MAP4: variants seen among roughly 807,000 people sequenced by gnomAD.
MAP4 encodes the protein microtubule associated protein 4.
In MAP4, 76 loss-of-function variants were observed where a neutral mutation model predicts 170.2. The observed-to-expected ratio is 0.45, with a 90% CI of 0.37 to 0.54. The LOEUF is 0.54. MAP4 is among the 20% of genes least tolerant of loss of function. The pLI is 0.00. For synonymous variants in MAP4, 909 were observed against 994.5 expected, an observed-to-expected ratio of 0.91 and a Z score of 1.62; for missense variants, 2,506 against 2,748.0, an observed-to-expected ratio of 0.91 and a Z score of 1.97.
At chr3:47,932,004 C>A (rs1314587143) in intron 3 of MAP4, 2 of 152,252 alleles carry the variant, frequency 1.3e-5, no homozygotes, top group Middle Eastern at 6.8e-3. Flanking sequence ...TTAGCATATA[C>A]ACAGTTATAC....
chr3:48,029,564 A>G (rs540413646), intron 1 of MAP4, among the ~76,000 whole-genome samples: 2 of 152,214 alleles, frequency 1.3e-5, no homozygotes, highest in African/African-American at 4.8e-5. Context: ...GCTTTATGGA[A>G]AAGGCAAGAA....
chr3:47,922,705 T>C (rs1307671937), intron 4 of MAP4, among the ~76,000 whole-genome samples: 6 of 152,240 alleles, frequency 3.9e-5, no homozygotes, highest in Admixed American at 3.9e-4. Flanking sequence ...GGAGCTGGCA[T>C]GAATAAAAGC....
chr3:47,989,820 C>T (rs1457087338), intron 2 of MAP4, among the ~76,000 whole-genome samples: 1 of 152,184 alleles, frequency 6.6e-6, no homozygotes, highest in East Asian at 1.9e-4. Context: ...TGTTTTCTCA[C>T]TGACTGACTT....
chr3:48,016,259 T>C (rs1247745376), intron 1 of MAP4, 75 bp downstream of exon 1: 1 of 148,752 alleles, frequency 6.7e-6, no homozygotes, highest in Non-Finnish European at 1.5e-5. Flanking sequence ...AAAAATACTG[T>C]ATACACTTGC....
At chr3:47,993,573 G>A (rs114029305) in intron 2 of MAP4, among the ~76,000 whole-genome samples, 8 of 152,310 alleles carry the variant, frequency 5.3e-5, no homozygotes, top group Non-Finnish European at 8.8e-5. Flanking sequence ...GCATCCAGAT[G>A]AGCTGCAAAG....
intron 10 of MAP4, among the ~76,000 whole-genome samples, chr3:47,887,872 A>C (rs1228426410): frequency 2.6e-5 from 4 of 151,910 alleles, no homozygotes; most frequent in African/African-American, 4.8e-5. Flanking sequence ...TATCTAGCTC[A>C]AGGTTTGTAA....
At chr3:48,025,056 G>A (rs922806785) in intron 1 of MAP4, among the ~76,000 whole-genome samples, 1 of 151,538 alleles carries the variant, frequency 6.6e-6, no homozygotes, top group African/African-American at 2.4e-5. Flanking sequence ...AGTCACCTCT[G>A]TTTGCAAAAA....
chr3:47,891,498 G>A lies in MAP4; in HGVS notation c.5434+11452C>T, dbSNP rs1166779466. On this transcript the variant is annotated intron_variant, in intron 10 of 20. Transcript: ENST00000683076. ...ATTGGGCTACTAGGGGGAGGCAGCA[G>A]GCCAGAAGAAGGCTCTTCTCGGGCA... The A allele has an allele frequency of 2.6e-6, 4 of 1,515,470 alleles. No homozygotes were observed. The African/African-American group carries it at 5.5e-5, about 21-fold the overall frequency. The allele number at this position is 1,515,470 out of a possible 1,614,324, so 93.9% of individuals were successfully genotyped here. A position where few individuals can be genotyped will look rare whatever the true frequency, so the allele number is the denominator to read the frequency against.
intron 3 of MAP4, among the ~76,000 whole-genome samples, chr3:47,969,130 A>G (rs560296143): frequency 3.9e-5 from 6 of 152,334 alleles, no homozygotes; most frequent in Admixed American, 2.6e-4. Flanking sequence ...GCACCTGGCT[A>G]GGTGCAGTGG....
chr3:48,082,216 G>A (rs191780642), intron 1 of MAP4, among the ~76,000 whole-genome samples: 1 of 152,290 alleles, frequency 6.6e-6, no homozygotes, highest in East Asian at 1.9e-4. Context: ...TATAATCAAC[G>A]CTGCCGCAGG....
intron 3 of MAP4, among the ~76,000 whole-genome samples, chr3:47,953,607 G>C (rs1390685776): frequency 6.6e-6 from 1 of 152,198 alleles, no homozygotes; most frequent in Non-Finnish European, 1.5e-5. Flanking sequence ...GCAAGATGTA[G>C]AAGAGGCAAT....
intron 10 of MAP4, among the ~76,000 whole-genome samples, chr3:47,885,760 G>C (rs564328666): frequency 1.4e-5 from 2 of 144,242 alleles, no homozygotes; most frequent in Non-Finnish European, 3.0e-5. Context: ...ACGGAATCTC[G>C]CTCTGTCACC....
intron 17 of MAP4, among the ~76,000 whole-genome samples, chr3:47,859,330 C>T (rs992937906): frequency 6.6e-6 from 1 of 152,146 alleles, no homozygotes; most frequent in African/African-American, 2.4e-5. Context: ...TGGTGAGCTA[C>T]CTTCTTGAGC....
intron 1 of MAP4, among the ~76,000 whole-genome samples, chr3:48,057,478 G>A (rs2100132802): frequency 7.7e-6 from 1 of 130,474 alleles, no homozygotes; most frequent in Non-Finnish European, 1.6e-5. Context: ...ACTGCGGAAG[G>A]CCGCAGGGTC....
At chr3:47,926,219 T>C (rs1402869168) in intron 4 of MAP4, among the ~76,000 whole-genome samples, 2 of 145,792 alleles carry the variant, frequency 1.4e-5, no homozygotes, top group African/African-American at 5.1e-5. Context: ...GGTCTGGCTC[T>C]GTCACCCAAG....
intron 1 of MAP4, among the ~76,000 whole-genome samples, chr3:48,035,318 AG>A (rs1478870606): frequency 1.3e-5 from 2 of 151,324 alleles, no homozygotes; most frequent in Non-Finnish European, 2.9e-5. Context: ...AAAAAAAAAA[AG>A]AAACTCCAAC....
intron 10 of MAP4, among the ~76,000 whole-genome samples, chr3:47,888,614 G>GAGCT (rs1462022351): frequency 6.6e-6 from 1 of 152,214 alleles, no homozygotes; most frequent in Non-Finnish European, 1.5e-5. Context: ...ACCACCTTAA[G>GAGCT]AGCTGTAACA....
At chr3:48,056,112 TGG>T (rs1387060724) in intron 1 of MAP4, among the ~76,000 whole-genome samples, 15 of 96,486 alleles carry the variant, frequency 1.6e-4, no homozygotes, top group Non-Finnish European at 3.4e-4. Context: ...GGGAGGGAGG[TGG>T]GGGGGGGTCA....
At chr3:47,900,895 C>G (rs1003534052) in intron 10 of MAP4, among the ~76,000 whole-genome samples, 2 of 152,124 alleles carry the variant, frequency 1.3e-5, no homozygotes, top group African/African-American at 4.8e-5. Flanking sequence ...TTTCTTCAAG[C>G]AAAAATCTAA....
Sources: gnomAD v4.1 joint callset for allele counts (sites outside exome capture counted in the v4.1 genomes callset) on GRCh38, gnomAD v4.1.1 for gene constraint, MANE v1.5 for transcripts, NCBI Gene and HGNC (gene_info 2026-07-23, HGNC 2026-07-21) for gene names.